IMPA2: variants seen among roughly 807,000 people sequenced by gnomAD.
The protein encoded by IMPA2 is IMP 2.
Under a neutral mutation model 35.1 loss-of-function variants are expected in IMPA2, and 32 were observed. That is an observed-to-expected ratio of 0.91 (90% CI 0.69 to 1.23). IMPA2 has a LOEUF of 1.23. Ranked by LOEUF, IMPA2 falls within the 50% of genes most tolerant of loss-of-function variation. The pLI, the probability that IMPA2 is intolerant of heterozygous loss-of-function variation, is 0.00. For missense variants in IMPA2, 334 were observed against 387.6 expected, an observed-to-expected ratio of 0.86 and a Z score of 1.16; for synonymous variants, 135 against 160.6, an observed-to-expected ratio of 0.84 and a Z score of 1.20.
chr18:12,013,349 G>A (rs906384075), intron 4 of IMPA2, among the ~76,000 whole-genome samples: 1 of 152,162 alleles, frequency 6.6e-6, no homozygotes, highest in African/African-American at 2.4e-5. Flanking sequence ...TACCGGAAGG[G>A]GAAGGATGAT....
chr18:12,000,405 T>C (rs951346479), intron 2 of IMPA2, among the ~76,000 whole-genome samples: 1 of 139,026 alleles, frequency 7.2e-6, no homozygotes, highest in Admixed American at 7.2e-5. Context: ...AACACTTACC[T>C]TCTTTTTTTT....
intron 7 of IMPA2, 110 bp downstream of exon 7, chr18:12,029,103 TTTCTG>T: frequency 2.5e-6 from 2 of 809,632 alleles, no homozygotes; most frequent in South Asian, 4.5e-5. Flanking sequence ...TTCCCCAGAG[TTTCTG>T]TTTTTTTTTT....
At chr18:11,985,979 T>TTTGTG (rs1384394673) in intron 1 of IMPA2, among the ~76,000 whole-genome samples, 1 of 152,090 alleles carries the variant, frequency 6.6e-6, no homozygotes, top group African/African-American at 2.4e-5. Context: ...ACAAAAGGGG[T>TTTGTG]TTGTGTACGG....
chr18:12,017,877 C>T, intron 5 of IMPA2: 1 of 295,510 alleles, frequency 3.4e-6, no homozygotes, highest in Admixed American at 5.0e-5. Context: ...CAGTTGTGAG[C>T]CACTGCACCT....
chr18:11,982,568 G>T lies in IMPA2; in HGVS notation c.96+803G>T, dbSNP rs561069591. 4.6e-5 allele frequency among the ~76,000 whole-genome samples: 7 copies of T among 152,324 alleles called. No homozygotes were observed. The East Asian group carries it at 1.4e-3, about 29-fold the overall frequency. On this transcript the variant is annotated intron_variant, in intron 1 of 7. Transcript: ENST00000269159. ...CCAGCACTTTGGGAGGCCGAGGCGGGTGGACCACTTGAGGTCAGGAGTTCG... is the reference window on the plus strand; with the variant it reads ...CCAGCACTTTGGGAGGCCGAGGCGGTTGGACCACTTGAGGTCAGGAGTTCG...
intron 1 of IMPA2, among the ~76,000 whole-genome samples, chr18:11,992,733 G>A (rs560423905): frequency 1.3e-5 from 2 of 152,304 alleles, no homozygotes; most frequent in East Asian, 3.9e-4. Flanking sequence ...TGCTGGTGGA[G>A]TGAGAGTGTT....
At chr18:12,008,613 C>A (rs1263830764) in intron 2 of IMPA2, 4 of 453,948 alleles carry the variant, frequency 8.8e-6, no homozygotes, top group South Asian at 6.2e-5. Context: ...ATACACCTGA[C>A]CACAGCATCT....
intron 5 of IMPA2, among the ~76,000 whole-genome samples, chr18:12,018,532 A>T (rs1248854330): frequency 6.6e-6 from 1 of 152,226 alleles, no homozygotes; most frequent in Non-Finnish European, 1.5e-5. Flanking sequence ...TAGCATTTTT[A>T]AAGCTTTTTG....
At chr18:11,986,652 A>G (rs1476945972) in intron 1 of IMPA2, among the ~76,000 whole-genome samples, 1 of 152,166 alleles carries the variant, frequency 6.6e-6, no homozygotes, top group Non-Finnish European at 1.5e-5. Context: ...GAATTTAATG[A>G]GTGACGTAAC....
chr18:12,022,579 G>A (rs1449560412), intron 5 of IMPA2, among the ~76,000 whole-genome samples: 2 of 139,962 alleles, frequency 1.4e-5, no homozygotes, highest in Admixed American at 7.1e-5. Context: ...GTGCGTTTAA[G>A]ACCTAAGATA....
intron 1 of IMPA2, among the ~76,000 whole-genome samples, chr18:11,998,529 A>T (rs1052703713): frequency 6.6e-6 from 1 of 152,346 alleles, no homozygotes; most frequent in East Asian, 1.9e-4. Context: ...AACATTTACA[A>T]TCAGATTCGA....
At chr18:12,009,636 T>C (rs999864095) in intron 2 of IMPA2, among the ~76,000 whole-genome samples, 1 of 152,210 alleles carries the variant, frequency 6.6e-6, no homozygotes, top group Admixed American at 6.5e-5. Context: ...TGGAATTCCC[T>C]GGTGCTCTTT....
intron 1 of IMPA2, among the ~76,000 whole-genome samples, chr18:11,987,953 T>C (rs1906710719): frequency 6.6e-6 from 1 of 152,034 alleles, no homozygotes; most frequent in East Asian, 1.9e-4. Context: ...GTAGTTTTAA[T>C]TTGCGTTTCT....
At chr18:11,992,016 G>A (rs1419898538) in intron 1 of IMPA2, among the ~76,000 whole-genome samples, 2 of 152,110 alleles carry the variant, frequency 1.3e-5, no homozygotes, top group Non-Finnish European at 2.9e-5. Context: ...CCTAATTTTT[G>A]TATTTTTAGT....
In IMPA2 at chr18:12,028,980, G is replaced by A. The variant is rs774298106; in HGVS notation, c.738G>A (p.Val246=). 1.2e-6 allele frequency: 2 copies of A among 1,613,610 alleles called. No individual in the cohort carries two copies. Among genetic ancestry groups the A allele is most frequent in the Non-Finnish European group, 1.7e-6 (2 of 1,180,006 alleles). The change falls in exon 7 of 8, where the codon GTG becomes GTA. Residue 246 remains valine (V), a synonymous_variant. Transcript: ENST00000269159. ...TCATCAGAGAAGCAGGCGGCATCGTGATAGACACTTCGGGTGAGCTCTCCT... is the reference window on the plus strand; with the variant it reads ...TCATCAGAGAAGCAGGCGGCATCGTAATAGACACTTCGGGTGAGCTCTCCT... ...TVIIREAGGI[V]IDTSGGPLDL... is the part of the protein sequence containing the mutation.
intron 1 of IMPA2, chr18:11,994,449 C>G (rs3786299): frequency 0.035 from 5,298 of 152,354 alleles, 163 homozygotes; most frequent in East Asian, 0.13. Context: ...ACTCTGTAAC[C>G]CATGACTCGG....
At chr18:12,029,106 CTGTTTT>C in intron 7 of IMPA2, 113 bp downstream of exon 7, 4 of 358,108 alleles carry the variant, frequency 1.1e-5, no homozygotes, top group East Asian at 5.0e-5. Flanking sequence ...CCCAGAGTTT[CTGTTTT>C]TTTTTTTTTT....
intron 1 of IMPA2, among the ~76,000 whole-genome samples, chr18:11,987,183 C>G (rs566994998): frequency 1.3e-5 from 2 of 152,310 alleles, no homozygotes; most frequent in African/African-American, 2.4e-5. Flanking sequence ...TTCTCATTCA[C>G]TAGGTCTGGA....
intron 5 of IMPA2, among the ~76,000 whole-genome samples, chr18:12,019,859 C>G (rs1163986827): frequency 1.3e-5 from 2 of 151,622 alleles, no homozygotes; most frequent in South Asian, 2.1e-4. Context: ...GTGTTAGATA[C>G]GATTTTTCAA....
Sources: allele counts gnomAD v4.1 joint callset (sites outside exome capture counted in the v4.1 genomes callset), GRCh38; gene constraint gnomAD v4.1.1; transcripts MANE v1.5; gene names NCBI Gene and HGNC (gene_info 2026-07-23, HGNC 2026-07-21).